The following HOOK3 variants were observed in gnomAD, a reference collection of about 807,000 sequenced individuals.
HOOK3 encodes hook microtubule tethering protein 3.
Under a neutral mutation model 116.3 loss-of-function variants are expected in HOOK3, and 24 were observed. The ratio of observed to expected loss-of-function variants is 0.21; its 90% CI spans 0.15 to 0.29. The LOEUF (loss-of-function observed/expected upper bound fraction) is 0.29, where lower values mean the gene tolerates loss of function less well. HOOK3 is among the 10% of genes least tolerant of loss of function. HOOK3 has a pLI of 1.00. For missense variants in HOOK3, 632 were observed against 830.2 expected (o/e 0.76, Z 2.93); for synonymous variants, 275 against 283.0 (o/e 0.97, Z 0.28).
intron 5 of HOOK3, among the ~76,000 whole-genome samples, chr8:42,945,609 C>CTA (rs1449288156): frequency 2.6e-5 from 4 of 152,140 alleles, no homozygotes; most frequent in Middle Eastern, 3.2e-3. Context: ...CCACCCCAGC[C>CTA]TATATATAGT....
At chr8:42,935,721 G>T (rs1807956893) in intron 4 of HOOK3, among the ~76,000 whole-genome samples, 1 of 152,146 alleles carries the variant, frequency 6.6e-6, no homozygotes, top group African/African-American at 2.4e-5. Flanking sequence ...CATTATTTCT[G>T]AGGCCTCTGT....
chr8:42,944,733 C>T (rs1178192026), intron 5 of HOOK3, among the ~76,000 whole-genome samples: 1 of 152,056 alleles, frequency 6.6e-6, no homozygotes. Flanking sequence ...GCAGGAGAAT[C>T]ACTTGAACCT....
chr8:43,012,107 A>G (rs1479911460), intron 19 of HOOK3, among the ~76,000 whole-genome samples: 2 of 152,242 alleles, frequency 1.3e-5, no homozygotes. Context: ...ATCAGAGGAA[A>G]GAAAAAGAGT....
intron 15 of HOOK3, among the ~76,000 whole-genome samples, chr8:42,993,983 A>T (rs1031587677): frequency 1.3e-5 from 2 of 151,662 alleles, no homozygotes; most frequent in Non-Finnish European, 2.9e-5. Flanking sequence ...TCTTCATTTC[A>T]AATTCATTTA....
chr8:42,980,736 T>C (rs1808923048), intron 13 of HOOK3, among the ~76,000 whole-genome samples: 1 of 151,992 alleles, frequency 6.6e-6, no homozygotes. Flanking sequence ...TTACAAGAAC[T>C]ATCTGGGTGT....
intron 17 of HOOK3, among the ~76,000 whole-genome samples, chr8:43,002,607 T>C (rs1809402012): frequency 6.6e-6 from 1 of 152,254 alleles, no homozygotes; most frequent in South Asian, 2.1e-4. Context: ...TTTTGGCCCA[T>C]GGGCTATAGC....
chr8:42,951,968 C>T (rs1416803140), intron 6 of HOOK3, among the ~76,000 whole-genome samples: 2 of 151,714 alleles, frequency 1.3e-5, no homozygotes, highest in East Asian at 3.9e-4. Context: ...AAAAGAAAAA[C>T]ATGAAAAATA....
At chr8:43,001,529 TCTC>T (rs1300949053) in intron 16 of HOOK3, among the ~76,000 whole-genome samples, 2 of 152,032 alleles carry the variant, frequency 1.3e-5, no homozygotes, top group African/African-American at 4.8e-5. Context: ...TCAATTTTGA[TCTC>T]CTGCTTTTCA....
chr8:43,018,335 C>T (rs775903558), intron 21 of HOOK3, 23 bp from the exon 22 acceptor site: 8 of 1,542,710 alleles, frequency 5.2e-6, no homozygotes, highest in East Asian at 2.3e-5. Context: ...TCATTGATTC[C>T]TTTTTTTGTT....
At chr8:42,975,807 G>C (rs762834300) in intron 13 of HOOK3, among the ~76,000 whole-genome samples, 4 of 152,186 alleles carry the variant, frequency 2.6e-5, no homozygotes, top group Non-Finnish European at 4.4e-5. Flanking sequence ...CCAGGTTCAA[G>C]CGATACTCCT....
intron 5 of HOOK3, among the ~76,000 whole-genome samples, chr8:42,947,475 G>T (rs1808251539): frequency 6.6e-6 from 1 of 152,158 alleles, no homozygotes; most frequent in South Asian, 2.1e-4. Flanking sequence ...TGGGAAAGAA[G>T]ATAGTCAATT....
chr8:42,957,051 C>G, intron 6 of HOOK3, 43 bp from the exon 7 acceptor site: 1 of 1,126,034 alleles, frequency 8.9e-7, no homozygotes. Context: ...TGTAGAATGT[C>G]TTTTTTGCCT....
At chr8:43,007,805 T>A in intron 17 of HOOK3, 42 bp from the exon 18 acceptor site, 1 of 1,263,798 alleles carries the variant, frequency 7.9e-7, no homozygotes, top group Non-Finnish European at 1.1e-6. Flanking sequence ...CTGGAAAAAA[T>A]TACAGAAGCA....
At chr8:42,915,325 AC>A (rs142650206) in intron 2 of HOOK3, among the ~76,000 whole-genome samples, 2,741 of 152,236 alleles carry the variant, frequency 0.018, 86 homozygotes, top group African/African-American at 0.064. Context: ...GGATTGTGTT[AC>A]GGCACTCCAG....
intron 1 of HOOK3, 196 bp downstream of exon 1, chr8:42,897,384 G>C (rs2130297919): frequency 2.6e-6 from 1 of 388,940 alleles, no homozygotes; most frequent in African/African-American, 2.1e-5. Flanking sequence ...GTTCCGGGCG[G>C]ACCCCGGCCG....
At chr8:42,902,709 T>G (rs1807216147) in intron 1 of HOOK3, among the ~76,000 whole-genome samples, 1 of 152,184 alleles carries the variant, frequency 6.6e-6, no homozygotes, top group African/African-American at 2.4e-5. Context: ...CTATAGGCTA[T>G]TTTTCCCCAA....
In HOOK3 at chr8:42,982,648, A is replaced by G; in HGVS notation, c.1343A>G (p.Gln448Arg). Residue 448 changes from glutamine to arginine, a missense_variant, in exon 14 of 22, where the codon CAG (glutamine) becomes CGG (arginine). This residue lies in a region of HOOK3 where 483 missense variants were observed against 648.1 expected (regional missense o/e 0.75). Transcript: ENST00000307602. Reference sequence around the variant, plus strand: ...ACAGGGTTAATGCCTCTTGGAAGTCAGGAGTCTTCAGACAGTCTAGCTGCA... The same window carrying G: ...ACAGGGTTAATGCCTCTTGGAAGTCGGGAGTCTTCAGACAGTCTAGCTGCA... ...TTQGLMPLGSQESSDSLAAEI... is the reference protein window; with the variant it reads ...TTQGLMPLGSRESSDSLAAEI... The G allele has an allele frequency of 6.2e-7, 1 of 1,611,934 alleles. No homozygotes were observed. Among genetic ancestry groups the G allele is most frequent in the Non-Finnish European group, 8.5e-7 (1 of 1,178,038 alleles).
intron 14 of HOOK3, 114 bp downstream of exon 14, chr8:42,982,810 A>G (rs571066091): frequency 6.0e-5 from 42 of 701,678 alleles, no homozygotes; most frequent in African/African-American, 5.8e-4. Flanking sequence ...CACTTTCAAC[A>G]TGAACTCAGT....
chr8:42,956,223 CGTGTGTGTGTGTGTGTGT>C (rs61448463), intron 6 of HOOK3, among the ~76,000 whole-genome samples: 10 of 135,806 alleles, frequency 7.4e-5, no homozygotes, highest in East Asian at 6.4e-4. Flanking sequence ...AGGATTAGGG[CGTGTGTGTGTGTGTGTGT>C]GTGTGTGTGT....
Sources: allele counts gnomAD v4.1 joint callset (sites outside exome capture counted in the v4.1 genomes callset), GRCh38; gene constraint gnomAD v4.1.1; regional missense constraint gnomAD v4.1.1; transcripts MANE v1.5; gene names NCBI Gene and HGNC (gene_info 2026-07-23, HGNC 2026-07-21).